Variants in AK9 observed in about 807,000 individuals in gnomAD.
The protein encoded by AK9 is adenylate kinase 9.
A neutral mutation model predicts 239.6 loss-of-function variants in AK9; 191 were observed. The observed-to-expected ratio is 0.80, with a 90% CI of 0.71 to 0.90. The LOEUF (loss-of-function observed/expected upper bound fraction) is 0.90. Ranked by LOEUF, AK9 falls within the 40% of genes least tolerant of loss-of-function variation. AK9 has a pLI of 0.00. For missense variants in AK9, 1,995 were observed against 2,214.7 expected (o/e 0.90, Z 1.99); for synonymous variants, 689 against 721.0 (o/e 0.96, Z 0.71).
Position 109,560,681 on chromosome 6 carries a change from A to C in AK9, c.2751+2916T>G, listed in dbSNP as rs187458830. ...TTGATTTGCTAAAATTTTGTTAAGA[A>C]TGTCTATATCTATATTAATGAGTGA... On this transcript the variant is annotated intron_variant, in intron 24 of 40. Transcript: ENST00000424296. Among the ~76,000 whole-genome samples, 96 of 152,316 alleles carry C rather than the reference A, an allele frequency of 6.3e-4. 1 individual carries two copies. The highest frequency in any genetic ancestry group is 2.1e-3 in the African/African-American group (89 of 41,582).
chr6:109,571,295 C>G (rs1198414679), intron 21 of AK9, among the ~76,000 whole-genome samples: 4 of 152,168 alleles, frequency 2.6e-5, no homozygotes, highest in African/African-American at 9.6e-5. Context: ...ACTGGCCACA[C>G]TCATGAGCAT....
At chr6:109,503,168 T>C (rs1187797240) in intron 35 of AK9, among the ~76,000 whole-genome samples, 1 of 151,924 alleles carries the variant, frequency 6.6e-6, no homozygotes, top group East Asian at 1.9e-4. Flanking sequence ...TGTAGTACTA[T>C]AGTACAATAA....
chr6:109,591,453 A>AT (rs1265142833), intron 17 of AK9, among the ~76,000 whole-genome samples: 3 of 151,948 alleles, frequency 2.0e-5, no homozygotes, highest in Middle Eastern at 3.2e-3. Context: ...ACATGGTTGG[A>AT]TTTTTTAAAA....
At chr6:109,626,373 GT>G (rs1795529741) in intron 12 of AK9, among the ~76,000 whole-genome samples, 1 of 152,008 alleles carries the variant, frequency 6.6e-6, no homozygotes, top group Non-Finnish European at 1.5e-5. Context: ...GTCTTGTAAC[GT>G]TTCATTACAT....
At chr6:109,621,029 T>C (rs1405836019) in intron 12 of AK9, among the ~76,000 whole-genome samples, 1 of 151,426 alleles carries the variant, frequency 6.6e-6, no homozygotes, top group Non-Finnish European at 1.5e-5. Context: ...TACAATGAAC[T>C]CAAACAAATT....
intron 12 of AK9, among the ~76,000 whole-genome samples, chr6:109,623,862 GACACACACACACAC>G (rs567410173): frequency 2.7e-4 from 37 of 136,120 alleles, no homozygotes; most frequent in Middle Eastern, 3.4e-3. Context: ...AGGAATCTTA[GACACACACACACAC>G]ACACACACAC....
chr6:109,547,846 C>CAAA (rs55899214), intron 25 of AK9, among the ~76,000 whole-genome samples: 1,740 of 121,672 alleles, frequency 0.014, 37 homozygotes, highest in African/African-American at 0.053. Context: ...AGCTCAGTAG[C>CAAA]AAAAAAAAAA....
intron 9 of AK9, among the ~76,000 whole-genome samples, chr6:109,643,272 C>G (rs1183978213): frequency 2.0e-5 from 3 of 152,154 alleles, no homozygotes; most frequent in Non-Finnish European, 4.4e-5. Context: ...GGAGCTTCTC[C>G]CTGAGGTGGC....
At chr6:109,623,456 C>A (rs1041282909) in intron 12 of AK9, among the ~76,000 whole-genome samples, 3 of 152,064 alleles carry the variant, frequency 2.0e-5, no homozygotes, top group Non-Finnish European at 2.9e-5. Flanking sequence ...AAGAGATCTA[C>A]ATAGAAAGGA....
intron 35 of AK9, among the ~76,000 whole-genome samples, chr6:109,502,107 C>T (rs1374162150): frequency 1.3e-5 from 2 of 152,142 alleles, no homozygotes; most frequent in Non-Finnish European, 2.9e-5. Flanking sequence ...TTGATCCCTG[C>T]CTTGTGGTGT....
At chr6:109,519,896 T>C (rs1025253665) in intron 29 of AK9, among the ~76,000 whole-genome samples, 7 of 152,202 alleles carry the variant, frequency 4.6e-5, no homozygotes, top group African/African-American at 1.7e-4. Flanking sequence ...TGCATGTATG[T>C]CTTCTTTTGA....
At chr6:109,566,677 A>T (rs895789726) in intron 21 of AK9, among the ~76,000 whole-genome samples, 1 of 152,188 alleles carries the variant, frequency 6.6e-6, no homozygotes, top group Non-Finnish European at 1.5e-5. Context: ...TGTGTATGCA[A>T]AGGCATACAG....
At chr6:109,510,751 G>T (rs1778653228) in intron 32 of AK9, among the ~76,000 whole-genome samples, 1 of 152,054 alleles carries the variant, frequency 6.6e-6, no homozygotes, top group Non-Finnish European at 1.5e-5. Flanking sequence ...CAAGAATTTG[G>T]GCAAAAGTGC....
intron 26 of AK9, 33 bp downstream of exon 26, chr6:109,545,834 A>C: frequency 6.4e-7 from 1 of 1,570,002 alleles, no homozygotes; most frequent in Non-Finnish European, 8.6e-7. Flanking sequence ...AGCAAAAACA[A>C]AACAAACAAA....
intron 12 of AK9, among the ~76,000 whole-genome samples, chr6:109,628,597 A>C (rs933688247): frequency 3.3e-5 from 5 of 152,240 alleles, no homozygotes; most frequent in Admixed American, 6.5e-5. Flanking sequence ...TTCCATCAAC[A>C]GTTTTTAAAA....
chr6:109,500,414 A>C (rs1777493874), intron 35 of AK9, among the ~76,000 whole-genome samples: 1 of 152,244 alleles, frequency 6.6e-6, no homozygotes, highest in African/African-American at 2.4e-5. Flanking sequence ...CTTCAAAGCA[A>C]TATAAGATGT....
rs1314388160 is a variant in AK9 at position 109,656,855 on chromosome 6, A to C, written c.660T>G (p.Ala220=). ...TCTGAACTAGATGATGAAGAATTTCAGCCACCATCTGCATTTCGGCAATAA... is the reference window on the plus strand; with the variant it reads ...TCTGAACTAGATGATGAAGAATTTCCGCCACCATCTGCATTTCGGCAATAA... The part of the protein sequence containing the change: ...EAFIAEMQMV[A]EILHHLVQRP... Residue 220 remains alanine, a synonymous_variant, in exon 8 of 41, where the codon GCT becomes GCG. Transcript: ENST00000424296. 1.2e-6 allele frequency: 2 copies of C among 1,612,848 alleles called. No homozygotes were observed. Among genetic ancestry groups the C allele is most frequent in the Non-Finnish European group, 8.5e-7 (1 of 1,179,226 alleles).
chr6:109,654,213 T>A (rs2128308179), intron 8 of AK9, among the ~76,000 whole-genome samples: 1 of 152,316 alleles, frequency 6.6e-6, no homozygotes, highest in East Asian at 1.9e-4. Context: ...CACAATATTG[T>A]ATGAGGTTAG....
At chr6:109,508,178 G>A (rs190608013) in intron 33 of AK9, among the ~76,000 whole-genome samples, 79 of 152,322 alleles carry the variant, frequency 5.2e-4, no homozygotes, top group African/African-American at 1.8e-3. Flanking sequence ...TTCTACAGCA[G>A]AGGGGATTGT....
Sources: gnomAD v4.1 joint callset for allele counts (sites outside exome capture counted in the v4.1 genomes callset) on GRCh38, gnomAD v4.1.1 for gene constraint, MANE v1.5 for transcripts, NCBI Gene and HGNC (gene_info 2026-07-23, HGNC 2026-07-21) for gene names.